Variants in MCTP1 observed in about 807,000 individuals in gnomAD.
MCTP1 encodes multiple C2 and transmembrane domain containing 1.
MCTP1 carries 69 observed loss-of-function variants against 120.6 expected under a neutral mutation model. The observed-to-expected ratio is 0.57, with a 90% CI of 0.47 to 0.70. MCTP1 has a LOEUF of 0.70. Among genes scored for constraint, MCTP1 ranks in the 30% least tolerant of loss-of-function variants. MCTP1 has a pLI of 0.00. For missense variants in MCTP1, 1,203 were observed against 1,248.8 expected (o/e 0.96, Z 0.55); for synonymous variants, 529 against 493.1 (o/e 1.07, Z -0.96).
At chr5:95,059,525 C>T (rs1321770421) in intron 1 of MCTP1, among the ~76,000 whole-genome samples, 5 of 151,626 alleles carry the variant, frequency 3.3e-5, no homozygotes, top group Non-Finnish European at 5.9e-5. Flanking sequence ...GCAATATACC[C>T]AAGTAATAAA....
At chr5:94,760,563 T>C (rs186127409) in intron 19 of MCTP1, among the ~76,000 whole-genome samples, 2 of 152,346 alleles carry the variant, frequency 1.3e-5, no homozygotes, top group African/African-American at 4.8e-5. Flanking sequence ...ATAGCATTTA[T>C]GCACATAACA....
intron 1 of MCTP1, among the ~76,000 whole-genome samples, chr5:95,270,126 C>T (rs1477575137): frequency 3.9e-5 from 6 of 152,032 alleles, no homozygotes; most frequent in Admixed American, 3.9e-4. Flanking sequence ...AGTAGGGTGC[C>T]TGGTAAGGAA....
intron 19 of MCTP1, among the ~76,000 whole-genome samples, chr5:94,759,270 G>T (rs959933407): frequency 2.0e-5 from 3 of 152,134 alleles, no homozygotes; most frequent in Non-Finnish European, 2.9e-5. Context: ...TGGATACCAG[G>T]TGTGTAAACA....
chr5:94,937,928 T>C (rs1816614362), intron 5 of MCTP1, among the ~76,000 whole-genome samples: 1 of 152,048 alleles, frequency 6.6e-6, no homozygotes, highest in South Asian at 2.1e-4. Context: ...TTAGGTATCT[T>C]GATTTATGAA....
intron 19 of MCTP1, among the ~76,000 whole-genome samples, chr5:94,759,696 G>C (rs1770817538): frequency 6.6e-6 from 1 of 151,926 alleles, no homozygotes; most frequent in Admixed American, 6.6e-5. Context: ...ATGCTTTTTA[G>C]GCAGCCTAAT....
chr5:95,123,672 T>C (rs1461087394), intron 1 of MCTP1, among the ~76,000 whole-genome samples: 1 of 149,998 alleles, frequency 6.7e-6, no homozygotes, highest in African/African-American at 2.5e-5. Flanking sequence ...TTTTTTGAGA[T>C]GGAGTCTCGC....
chr5:94,724,011 T>C (rs1248122561), intron 19 of MCTP1, among the ~76,000 whole-genome samples: 1 of 152,090 alleles, frequency 6.6e-6, no homozygotes, highest in Non-Finnish European at 1.5e-5. Flanking sequence ...AGAAGTTGAC[T>C]GACTATGAGA....
intron 2 of MCTP1, among the ~76,000 whole-genome samples, chr5:94,966,681 G>T (rs980286830): frequency 2.0e-5 from 3 of 152,106 alleles, no homozygotes; most frequent in Non-Finnish European, 2.9e-5. Context: ...TGTAGTCCCA[G>T]CTACTCAGGA....
At chr5:95,247,823 T>C (rs1193559844) in intron 1 of MCTP1, among the ~76,000 whole-genome samples, 1 of 152,188 alleles carries the variant, frequency 6.6e-6, no homozygotes, top group Non-Finnish European at 1.5e-5. Flanking sequence ...ATGTGGTCAA[T>C]TTTAGAATAA....
At chr5:94,939,558 C>T (rs1035264979) in intron 5 of MCTP1, among the ~76,000 whole-genome samples, 6 of 151,900 alleles carry the variant, frequency 3.9e-5, no homozygotes, top group Non-Finnish European at 7.4e-5. Context: ...TGTGCAAGGA[C>T]GTACAGACAG....
chr5:94,725,112 T>C (rs749744307), intron 19 of MCTP1, among the ~76,000 whole-genome samples: 1 of 152,094 alleles, frequency 6.6e-6, no homozygotes, highest in Admixed American at 6.5e-5. Flanking sequence ...ACCTGTGAAT[T>C]AGGTTGAAAA....
At chr5:95,250,329 C>T in intron 1 of MCTP1, among the ~76,000 whole-genome samples, 1 of 152,090 alleles carries the variant, frequency 6.6e-6, no homozygotes, top group Non-Finnish European at 1.5e-5. Context: ...AGGGAATGAA[C>T]ATGAATGTGA....
intron 12 of MCTP1, among the ~76,000 whole-genome samples, chr5:94,879,398 T>C (rs1799588451): frequency 6.6e-6 from 1 of 151,958 alleles, no homozygotes; most frequent in Admixed American, 6.6e-5. Context: ...ACCAGTATGC[T>C]CCCCAGTCAT....
intron 1 of MCTP1, among the ~76,000 whole-genome samples, chr5:95,110,196 T>C (rs548084089): frequency 6.6e-6 from 1 of 150,918 alleles, no homozygotes; most frequent in Admixed American, 6.6e-5. Flanking sequence ...ATTTATGGAC[T>C]CTCTGCCATA....
intron 8 of MCTP1, among the ~76,000 whole-genome samples, chr5:94,914,946 C>T (rs1446070195): frequency 3.9e-5 from 6 of 152,176 alleles, no homozygotes; most frequent in Non-Finnish European, 5.9e-5. Flanking sequence ...ACCACTTCTG[C>T]TGCTGTTGAG....
In MCTP1 at chr5:95,281,398, G is replaced by A. The variant is rs997382890; in HGVS notation, c.720+2458C>T. On this transcript the variant is annotated intron_variant, in intron 1 of 22. Coordinates refer to ENST00000515393, the MANE Select transcript of MCTP1 (RefSeq NM_024717.7). ...CGGGCTCCTTTGAGATGGGCAGAGA[G>A]GTATTTCCAGGACTGAGAAATCCTC... Among the ~76,000 whole-genome samples the A allele has an allele frequency of 2.6e-4, 40 of 152,316 alleles. 1 individual carries two copies. Among genetic ancestry groups the A allele is most frequent in the African/African-American group, 5.3e-4 (22 of 41,570 alleles).
chr5:94,944,985 T>G (rs1347037703), intron 3 of MCTP1, among the ~76,000 whole-genome samples: 7 of 152,188 alleles, frequency 4.6e-5, no homozygotes. Context: ...TATTGTTGTT[T>G]CTATTTTTCA....
chr5:95,098,935 T>C (rs1756488515), intron 1 of MCTP1, among the ~76,000 whole-genome samples: 1 of 152,126 alleles, frequency 6.6e-6, no homozygotes, highest in Non-Finnish European at 1.5e-5. Context: ...TATAGATTAA[T>C]GGAACAGAAC....
intron 1 of MCTP1, among the ~76,000 whole-genome samples, chr5:95,042,299 T>G (rs1842488401): frequency 6.6e-6 from 1 of 152,186 alleles, no homozygotes; most frequent in Non-Finnish European, 1.5e-5. Context: ...AAGTACACAC[T>G]TTAAAGAGGG....
Sources: allele counts gnomAD v4.1 joint callset (sites outside exome capture counted in the v4.1 genomes callset), GRCh38; gene constraint gnomAD v4.1.1; transcripts MANE v1.5; gene names NCBI Gene and HGNC (gene_info 2026-07-23, HGNC 2026-07-21).